The following C2orf69 variants were observed in gnomAD, a reference collection of about 807,000 sequenced individuals.
C2orf69 encodes the protein chromosome 2 open reading frame 69, also known as mitochondrial protein C2orf69.
Under a neutral mutation model 29.5 loss-of-function variants are expected in C2orf69, and 19 were observed. The observed-to-expected ratio is 0.65, with a 90% CI of 0.45 to 0.95. The LOEUF (loss-of-function observed/expected upper bound fraction) is 0.95. Ranked by LOEUF, C2orf69 falls within the 40% of genes least tolerant of loss-of-function variation. The pLI, the probability that C2orf69 is intolerant of heterozygous loss-of-function variation, is 0.00. For missense variants in C2orf69, 416 were observed against 482.1 expected (o/e 0.86, Z 1.28); for synonymous variants, 194 against 180.0 (o/e 1.08, Z -0.62).
At position 199,925,408 on chromosome 2, in the gene C2orf69, C is replaced by T. The variant is rs547152139; in HGVS notation, c.680C>T (p.Thr227Met). The T allele has an allele frequency of 2.0e-5, 33 of 1,613,724 alleles. No individual in the cohort carries two copies. The highest frequency in any genetic ancestry group is 6.7e-5 in the Admixed American group (4 of 59,984). Reference protein sequence around the residue: ...SNCRSSPSHTTNGCQGEKVRT... With the variant: ...SNCRSSPSHTMNGCQGEKVRT... ...TGTAGATCCAGTCCTTCTCATACTACGAATGGTTGCCAGGGAGAAAAAGTG... is the reference window on the plus strand; with the variant it reads ...TGTAGATCCAGTCCTTCTCATACTATGAATGGTTGCCAGGGAGAAAAAGTG... Residue 227 changes from threonine (T) to methionine (M), a missense_variant, in exon 2 of 2, where the codon ACG (threonine) becomes ATG (methionine). Coordinates refer to ENST00000319974, the MANE Select transcript of C2orf69 (RefSeq NM_153689.6). This position sits in a 1 kb window ranked among gnomAD's most constrained non-coding sequence, Gnocchi z 4.9.
intron 1 of C2orf69, among the ~76,000 whole-genome samples, chr2:199,921,132 G>A (rs2077314446): frequency 7.0e-6 from 1 of 142,230 alleles, no homozygotes. Flanking sequence ...TCAGCCTCCT[G>A]AGTAGCTGTG....
intron 1 of C2orf69, among the ~76,000 whole-genome samples, chr2:199,912,576 T>C (rs1490269739): frequency 5.9e-5 from 9 of 152,236 alleles, no homozygotes; most frequent in Non-Finnish European, 1.2e-4. Flanking sequence ...AGCATTATCA[T>C]AGAAAATAAT....
rs747333931 is a variant in C2orf69, at chr2:199,911,471, G to C, written c.33G>C (p.Pro11=). MWGFRLLRSP[P]LLLLLPQLGI... The stretch of plus-strand genomic sequence containing the variant: ...GGTTCAGGCTCCTGCGGTCGCCGCC[G>C]TTGCTGCTCCTGCTGCCGCAGCTCG... The change falls in exon 1 of 2, where the codon CCG becomes CCC. Residue 11 remains proline, a synonymous_variant. Coordinates refer to ENST00000319974, the MANE Select transcript of C2orf69 (RefSeq NM_153689.6). The C allele has an allele frequency of 5.8e-6, 9 of 1,545,346 alleles. No individual in the cohort carries two copies. The East Asian group carries it at 1.5e-4, about 25-fold the overall frequency.
rs1311288853 is a variant in C2orf69 at position 199,911,487 on chromosome 2, C to G, written c.49C>G (p.Pro17Ala). 1.9e-6 allele frequency: 3 copies of G among 1,546,998 alleles called. No individual in the cohort carries two copies. The highest frequency in any genetic ancestry group is 2.5e-5 in the East Asian group (1 of 40,736). ...GTCGCCGCCGTTGCTGCTCCTGCTGCCGCAGCTCGGAATCGGAAACGCCTC... is the reference window on the plus strand; with the variant it reads ...GTCGCCGCCGTTGCTGCTCCTGCTGGCGCAGCTCGGAATCGGAAACGCCTC... ...LRSPPLLLLLPQLGIGNASSC... is the reference protein window; with the variant it reads ...LRSPPLLLLLAQLGIGNASSC... Residue 17 changes from proline to alanine, a missense_variant, in exon 1 of 2, where the codon CCG becomes GCG. This residue lies in a region of C2orf69 where 175 missense variants were observed against 139.9 expected (regional missense o/e 1.25). Coordinates refer to ENST00000319974, the MANE Select transcript of C2orf69 (RefSeq NM_153689.6).
rs1258842168 is a variant in C2orf69 at position 199,913,156 on chromosome 2, T to A, written c.333+1385T>A. Among the ~76,000 whole-genome samples the A allele has an allele frequency of 7.6e-5, 9 of 119,138 alleles. 1 individual carries two copies. The highest frequency in any genetic ancestry group is 4.3e-4 in the East Asian group (2 of 4,618). 78.2% of individuals were successfully genotyped at this position (119,138 alleles called of 152,430 possible). ...GAGGGCAAAAGAAAATAATATATATTATTTTATATATATATTATATATAAA... is the reference window on the plus strand; with the variant it reads ...GAGGGCAAAAGAAAATAATATATATAATTTTATATATATATTATATATAAA... On this transcript the variant is annotated intron_variant, in intron 1 of 1. Coordinates refer to ENST00000319974, the MANE Select transcript of C2orf69 (RefSeq NM_153689.6).
In C2orf69 at chr2:199,925,176, A is replaced by T. The variant is rs1270637335; in HGVS notation, c.448A>T (p.Ile150Leu). Residue 150 changes from isoleucine (I) to leucine (L), a missense_variant, in exon 2 of 2, where the codon ATA (isoleucine) becomes TTA (leucine). Coordinates refer to ENST00000319974, the MANE Select transcript of C2orf69 (RefSeq NM_153689.6). The surrounding 1 kb of genome is among the most constrained non-coding windows in gnomAD (Gnocchi z 4.9). ...HRFPNSYIWV[I>L]KCSRMHLHKF... ...GTTCCCCAATAGTTATATTTGGGTG[A>T]TAAAATGTTCCCGAATGCATTTGCA... 6.2e-7 allele frequency: 1 copy of T among 1,612,774 alleles called. No homozygotes were observed. Among genetic ancestry groups the T allele is most frequent in the Non-Finnish European group, 8.5e-7 (1 of 1,179,514 alleles).
chr2:199,911,321 C>G lies in C2orf69; in HGVS notation c.-118C>G. On this transcript the variant is annotated 5_prime_UTR_variant, in exon 1 of 2. Transcript: ENST00000319974. ...TGACGTCGTCGCCTCAGCGCCGGCT[C>G]CCGGCCGGGCCGCGGCCGCCGACCG... The G allele has an allele frequency of 1.6e-6, 2 of 1,262,506 alleles. No individual in the cohort carries two copies. The highest frequency in any genetic ancestry group is 2.9e-4 in the Middle Eastern group (1 of 3,504). The allele number at this position is 1,262,506 out of a possible 1,614,324, so 78.2% of individuals were successfully genotyped here. A position where few individuals can be genotyped will look rare whatever the true frequency, so the allele number is the denominator to read the frequency against.
chr2:199,913,433 ATATTATATAAAATATATATT>A (rs2077281175), intron 1 of C2orf69, among the ~76,000 whole-genome samples: 1 of 33,368 alleles, frequency 3.0e-5, no homozygotes, highest in Non-Finnish European at 6.0e-5. Flanking sequence ...TATAAAATAT[ATATTATATAAAATATATATT>A]CTATTATATA....
At chr2:199,919,411 C>T (rs2077305585) in intron 1 of C2orf69, among the ~76,000 whole-genome samples, 1 of 152,238 alleles carries the variant, frequency 6.6e-6, no homozygotes, top group African/African-American at 2.4e-5. Context: ...CGATCATGCC[C>T]TAAGTGGTGT....
intron 1 of C2orf69, among the ~76,000 whole-genome samples, chr2:199,924,723 G>A (rs531073939): frequency 8.7e-4 from 133 of 152,286 alleles, no homozygotes; most frequent in African/African-American, 3.0e-3. Flanking sequence ...TTCAGTTGAT[G>A]TGTTAGGAAA....
intron 1 of C2orf69, among the ~76,000 whole-genome samples, chr2:199,917,290 A>T (rs1409650651): frequency 1.3e-5 from 2 of 152,206 alleles, no homozygotes; most frequent in Non-Finnish European, 2.9e-5. Flanking sequence ...GATCTGTGAC[A>T]TGCCCTGGAG....
intron 1 of C2orf69, among the ~76,000 whole-genome samples, chr2:199,912,058 G>T (rs1442045855): frequency 6.6e-6 from 1 of 152,220 alleles, no homozygotes; most frequent in African/African-American, 2.4e-5. Context: ...TTGAGACAGG[G>T]AGTGACACGC....
At chr2:199,919,397 T>C (rs902182315) in intron 1 of C2orf69, among the ~76,000 whole-genome samples, 2 of 152,258 alleles carry the variant, frequency 1.3e-5, no homozygotes, top group Non-Finnish European at 2.9e-5. Flanking sequence ...TTAGGATCTA[T>C]AGACGATCAT....
Position 199,925,117 on chromosome 2 carries a change from G to A in C2orf69, c.389G>A (p.Ser130Asn). The A allele has an allele frequency of 1.2e-6, 2 of 1,613,128 alleles. No individual in the cohort carries two copies. Among genetic ancestry groups the A allele is most frequent in the East Asian group, 2.2e-5 (1 of 44,860 alleles). The change falls in exon 2 of 2, where the codon AGT (serine) becomes AAT (asparagine). Residue 130 changes from serine (S) to asparagine (N), a missense_variant. Around this residue, in one of 4 missense-constraint regions of C2orf69, gnomAD observed 225 missense variants for 307.3 expected, o/e 0.73. Coordinates refer to ENST00000319974, the MANE Select transcript of C2orf69 (RefSeq NM_153689.6). The surrounding 1 kb of genome is among the most constrained non-coding windows in gnomAD (Gnocchi z 4.9). ...GAGAATTATCAATGGGAAAACTGGA[G>A]TCTAGAAAATGTTGCTACCATTTTA... The part of the protein sequence containing the change: ...HPENYQWENW[S>N]LENVATILAH...
intron 1 of C2orf69, among the ~76,000 whole-genome samples, chr2:199,918,876 T>A (rs2077303286): frequency 6.6e-6 from 1 of 152,218 alleles, no homozygotes; most frequent in Non-Finnish European, 1.5e-5. Context: ...TAGTATGTAG[T>A]CTTTTGTGTG....
chr2:199,917,271 T>G (rs2077296884), intron 1 of C2orf69, among the ~76,000 whole-genome samples: 1 of 152,260 alleles, frequency 6.6e-6, no homozygotes, highest in African/African-American at 2.4e-5. Context: ...TGGTAGGGGC[T>G]GCCCTGAAGA....
At chr2:199,920,324 T>G (rs1279203218) in intron 1 of C2orf69, among the ~76,000 whole-genome samples, 1 of 152,156 alleles carries the variant, frequency 6.6e-6, no homozygotes, top group East Asian at 1.9e-4. Flanking sequence ...CAGTAATGAT[T>G]CCATCTTTAC....
At chr2:199,913,696 A>G (rs1333736549) in intron 1 of C2orf69, among the ~76,000 whole-genome samples, 1 of 151,258 alleles carries the variant, frequency 6.6e-6, no homozygotes, top group Non-Finnish European at 1.5e-5. Context: ...AAAAAAAGCC[A>G]CTTACTTACT....
rs757604720 is a variant in C2orf69 at position 199,911,616 on chromosome 2, G to C, written c.178G>C (p.Val60Leu). 2 of 1,549,540 alleles carry C rather than the reference G, an allele frequency of 1.3e-6. No homozygotes were observed. The highest frequency in any genetic ancestry group is 1.2e-5 in the South Asian group (1 of 83,986). The change falls in exon 1 of 2, where the codon GTG becomes CTG. Residue 60 changes from valine to leucine, a missense_variant. This residue lies in a region of C2orf69 where 175 missense variants were observed against 139.9 expected (regional missense o/e 1.25). Transcript: ENST00000319974. ...CCGTCAGTGCCTGCAGCTTTCCACC[G>C]TGCCTGGAGCCGATCCGCAGCGCAG... The part of the protein sequence containing the change: ...RRRQCLQLST[V>L]PGADPQRSNE...
Sources: allele counts gnomAD v4.1 joint callset (sites outside exome capture counted in the v4.1 genomes callset), GRCh38; gene constraint gnomAD v4.1.1; regional missense constraint gnomAD v4.1.1; non-coding constraint Gnocchi (gnomAD v3.1); transcripts MANE v1.5; gene names NCBI Gene and HGNC (gene_info 2026-07-23, HGNC 2026-07-21).